The following CD109 variants were observed in gnomAD, a reference collection of about 807,000 sequenced individuals.
The protein encoded by CD109 is CD109 antigen.
CD109 carries 149 observed loss-of-function variants against 165.8 expected under a neutral mutation model. The observed-to-expected ratio is 0.90, with a 90% CI of 0.79 to 1.03. The LOEUF is 1.03. Among genes scored for constraint, CD109 ranks in the 50% least tolerant of loss-of-function variants. CD109 has a pLI of 0.00. For synonymous variants in CD109, 585 were observed against 592.1 expected, an observed-to-expected ratio of 0.99 and a Z score of 0.18; for missense variants, 1,712 against 1,677.8, an observed-to-expected ratio of 1.02 and a Z score of -0.36.
At chr6:73,714,271 C>T (rs72953389) in intron 2 of CD109, among the ~76,000 whole-genome samples, 17,565 of 152,140 alleles carry the variant, frequency 0.12, 1,130 homozygotes, top group African/African-American at 0.17. Flanking sequence ...CTCTGATGAT[C>T]GTATCAGCTA....
At chr6:73,787,741 C>T (rs10498895) in intron 21 of CD109, among the ~76,000 whole-genome samples, 58,598 of 151,760 alleles carry the variant, frequency 0.39, 11,613 homozygotes, top group African/African-American at 0.47. Context: ...TAAAACACGG[C>T]CAAGTCGATT....
intron 5 of CD109, among the ~76,000 whole-genome samples, chr6:73,753,499 C>T (rs535675516): frequency 6.6e-6 from 1 of 152,228 alleles, no homozygotes; most frequent in Non-Finnish European, 1.5e-5. Context: ...TTTCAAATCC[C>T]TTGGACAGTA....
Position 73,748,374 on chromosome 6 carries a change from C to T in CD109, c.634-8269C>T, listed in dbSNP as rs370918278. On this transcript the variant is annotated intron_variant, in intron 5 of 32. Coordinates refer to ENST00000287097, the MANE Select transcript of CD109 (RefSeq NM_133493.5). ...CTCAGAACAAAATTCAGATGTTTTA[C>T]CATGGCCTACACAGGGTCTTACCTG... is the stretch of plus-strand genomic sequence containing the variant. 2.6e-5 allele frequency among the ~76,000 whole-genome samples: 4 copies of T among 152,330 alleles called. No homozygotes were observed. The East Asian group carries it at 7.7e-4, about 29-fold the overall frequency.
chr6:73,787,034 C>T (rs1252924492), intron 20 of CD109, among the ~76,000 whole-genome samples, 200 bp from the exon 21 acceptor site: 1 of 152,102 alleles, frequency 6.6e-6, no homozygotes, highest in Non-Finnish European at 1.5e-5. Flanking sequence ...CCCCATGTAT[C>T]TTGAGGTTGA....
At chr6:73,743,615 C>A (rs1772871304) in intron 5 of CD109, among the ~76,000 whole-genome samples, 1 of 152,160 alleles carries the variant, frequency 6.6e-6, no homozygotes, top group Non-Finnish European at 1.5e-5. Context: ...TGTTAAGTAT[C>A]TCTGGAGCCG....
chr6:73,811,204 T>C, intron 28 of CD109, 57 bp downstream of exon 28: 1 of 1,536,322 alleles, frequency 6.5e-7, no homozygotes, highest in Non-Finnish European at 8.8e-7. Flanking sequence ...TATGCTGGAA[T>C]ACTGCTTTAT....
chr6:73,791,160 T>TATATATATACACATACAC (rs1774930532), intron 22 of CD109, among the ~76,000 whole-genome samples: 14 of 33,404 alleles, frequency 4.2e-4, no homozygotes, highest in South Asian at 3.1e-3. Context: ...TATATATATA[T>TATATATATACACATACAC]ATATATATAT....
intron 29 of CD109, among the ~76,000 whole-genome samples, chr6:73,812,675 G>T (rs1309209553): frequency 6.6e-6 from 1 of 151,962 alleles, no homozygotes; most frequent in Non-Finnish European, 1.5e-5. Flanking sequence ...TTATATAATA[G>T]TAAATATAAC....
At chr6:73,757,859 G>A (rs865869166) in intron 6 of CD109, among the ~76,000 whole-genome samples, 20 of 152,222 alleles carry the variant, frequency 1.3e-4, no homozygotes, top group Non-Finnish European at 2.9e-5. Flanking sequence ...CCCATTTTAT[G>A]TCTTTTAGAC....
chr6:73,705,611 C>A (rs956409057), intron 2 of CD109, among the ~76,000 whole-genome samples: 1 of 147,606 alleles, frequency 6.8e-6, no homozygotes, highest in African/African-American at 2.5e-5. Flanking sequence ...CAAAGCATGG[C>A]CCTGTCTCAA....
intron 20 of CD109, among the ~76,000 whole-genome samples, chr6:73,786,368 A>C (rs1582157060): frequency 6.6e-6 from 1 of 152,260 alleles, no homozygotes; most frequent in African/African-American, 2.4e-5. Flanking sequence ...ATCTTTAGGC[A>C]CTTTATATAT....
At chr6:73,771,664 A>G (rs1263587468) in intron 15 of CD109, 83 bp downstream of exon 15, 2 of 945,050 alleles carry the variant, frequency 2.1e-6, no homozygotes, top group African/African-American at 1.7e-5. Flanking sequence ...AAATATTTAA[A>G]GAAAATTTCA....
chr6:73,733,941 G>T (rs565689306), intron 4 of CD109, among the ~76,000 whole-genome samples: 2 of 152,192 alleles, frequency 1.3e-5, no homozygotes, highest in Non-Finnish European at 2.9e-5. Context: ...GATCCAGAGC[G>T]ATCTAAAGGT....
At chr6:73,696,991 T>A (rs1770865345) in intron 1 of CD109, among the ~76,000 whole-genome samples, 1 of 152,098 alleles carries the variant, frequency 6.6e-6, no homozygotes, top group African/African-American at 2.4e-5. Context: ...AAATCTTAGT[T>A]AAAAAATAAC....
chr6:73,766,407 C>G (rs926362539), intron 11 of CD109, among the ~76,000 whole-genome samples: 7 of 152,022 alleles, frequency 4.6e-5, no homozygotes, highest in Non-Finnish European at 8.8e-5. Flanking sequence ...AGAATTTCCT[C>G]AAATCCCCAG....
intron 29 of CD109, among the ~76,000 whole-genome samples, chr6:73,813,387 A>G (rs1482241617): frequency 6.6e-6 from 1 of 152,138 alleles, no homozygotes; most frequent in African/African-American, 2.4e-5. Context: ...TGATAAACCA[A>G]ATGTAGAGAA....
At chr6:73,776,139 G>A (rs1562061041) in intron 15 of CD109, among the ~76,000 whole-genome samples, 3 of 152,174 alleles carry the variant, frequency 2.0e-5, no homozygotes, top group Admixed American at 6.5e-5. Context: ...CCTACCGACA[G>A]TGTATAAGTG....
chr6:73,817,846 G>A (rs565537866), intron 30 of CD109, among the ~76,000 whole-genome samples: 11 of 152,254 alleles, frequency 7.2e-5, no homozygotes, highest in Admixed American at 2.6e-4. Context: ...AACAGAAAAT[G>A]TTCTTCAAGT....
intron 15 of CD109, among the ~76,000 whole-genome samples, chr6:73,778,931 AAAAT>A (rs1774366024): frequency 6.6e-6 from 1 of 152,184 alleles, no homozygotes; most frequent in African/African-American, 2.4e-5. Context: ...AAATATATAT[AAAAT>A]AAAATTTGCT....
Sources: gnomAD v4.1 joint callset for allele counts (sites outside exome capture counted in the v4.1 genomes callset) on GRCh38, gnomAD v4.1.1 for gene constraint, MANE v1.5 for transcripts, NCBI Gene and HGNC (gene_info 2026-07-23, HGNC 2026-07-21) for gene names.